OXSR1: variants seen among roughly 807,000 people sequenced by gnomAD.
The protein encoded by OXSR1 is oxidative stress responsive kinase 1.
Under a neutral mutation model 79.8 loss-of-function variants are expected in OXSR1, and 24 were observed. That is an observed-to-expected ratio of 0.30 (90% CI 0.22 to 0.42). The LOEUF (loss-of-function observed/expected upper bound fraction) is 0.42, where lower values mean the gene tolerates loss of function less well. Among genes scored for constraint, OXSR1 ranks in the 10% least tolerant of loss-of-function variants. OXSR1 has a pLI of 1.00. For synonymous variants in OXSR1, 226 were observed against 209.2 expected (o/e 1.08, Z -0.69); for missense variants, 430 against 618.4 (o/e 0.70, Z 3.23).
At chr3:38,234,626 T>C (rs564472374) in intron 10 of OXSR1, among the ~76,000 whole-genome samples, 1 of 152,340 alleles carries the variant, frequency 6.6e-6, no homozygotes, top group Admixed American at 6.5e-5. Flanking sequence ...ATTGGAACAC[T>C]TCTGCACTGG....
Position 38,223,859 on chromosome 3 carries a change from A to C in OXSR1, c.648A>C (p.Thr216=). 1 of 1,611,672 alleles carries C rather than the reference A, an allele frequency of 6.2e-7. No individual in the cohort carries two copies. The change falls in exon 7 of 18, where the codon ACA becomes ACC. Residue 216 remains threonine, a synonymous_variant. Coordinates refer to ENST00000311806, the MANE Select transcript of OXSR1 (RefSeq NM_005109.3). ...CTGATATTTGGAGTTTTGGAATTAC[A>C]GCAATTGAATTGGCTACAGGGGCGG... ...FKADIWSFGI[T]AIELATGAAP...
At chr3:38,218,900 T>G (rs1702536493) in intron 5 of OXSR1, among the ~76,000 whole-genome samples, 2 of 152,144 alleles carry the variant, frequency 1.3e-5, no homozygotes, top group East Asian at 3.8e-4. Context: ...GGGGGGACCT[T>G]GTCTTCCTTG....
intron 8 of OXSR1, among the ~76,000 whole-genome samples, chr3:38,229,424 G>C (rs769235680): frequency 6.6e-6 from 1 of 151,736 alleles, no homozygotes; most frequent in Non-Finnish European, 1.5e-5. Context: ...AAGAAATCAT[G>C]CTTCCAGAAA....
chr3:38,241,702 C>G (rs953176609), intron 11 of OXSR1, among the ~76,000 whole-genome samples: 1 of 151,148 alleles, frequency 6.6e-6, no homozygotes, highest in Non-Finnish European at 1.5e-5. Context: ...TACTTACGTT[C>G]TTGTATTGTT....
chr3:38,236,792 G>A (rs1232190486), intron 10 of OXSR1, 47 bp from the exon 11 acceptor site: 3 of 1,524,968 alleles, frequency 2.0e-6, no homozygotes, highest in East Asian at 2.3e-5. Flanking sequence ...TTTCTACTTA[G>A]TAAGCATGAA....
At chr3:38,215,082 A>C (rs376827972) in intron 4 of OXSR1, among the ~76,000 whole-genome samples, 1 of 152,180 alleles carries the variant, frequency 6.6e-6, no homozygotes, top group Non-Finnish European at 1.5e-5. Flanking sequence ...CTAGACTTCA[A>C]TTCCATTAAT....
intron 7 of OXSR1, 152 bp from the exon 8 acceptor site, chr3:38,224,419 C>T (rs1351790729): frequency 1.7e-5 from 10 of 597,816 alleles, no homozygotes; most frequent in Non-Finnish European, 2.9e-5. Context: ...CGTAATAACT[C>T]TGGGTTTTAA....
At chr3:38,231,999 C>T (rs1018744743) in intron 10 of OXSR1, among the ~76,000 whole-genome samples, 3 of 152,130 alleles carry the variant, frequency 2.0e-5, no homozygotes, top group East Asian at 1.9e-4. Context: ...TCCAGCTACT[C>T]GGAAGGCTGA....
intron 10 of OXSR1, 171 bp downstream of exon 10, chr3:38,230,601 A>G (rs1245196333): frequency 7.1e-6 from 4 of 565,456 alleles, no homozygotes; most frequent in East Asian, 3.1e-5. Context: ...GGTCTACCAT[A>G]TGCCTTGGTA....
intron 3 of OXSR1, among the ~76,000 whole-genome samples, chr3:38,197,409 C>G (rs1250959967): frequency 6.6e-6 from 1 of 152,216 alleles, no homozygotes. Flanking sequence ...TTCACTTCTT[C>G]CTCACTTGGT....
chr3:38,211,744 T>C (rs1232976858), intron 4 of OXSR1, among the ~76,000 whole-genome samples: 1 of 152,184 alleles, frequency 6.6e-6, no homozygotes, highest in African/African-American at 2.4e-5. Context: ...CCCTCTTCTG[T>C]CTCCCAGGTC....
intron 2 of OXSR1, among the ~76,000 whole-genome samples, chr3:38,188,189 A>G (rs1285169782): frequency 6.6e-6 from 1 of 152,164 alleles, no homozygotes; most frequent in Non-Finnish European, 1.5e-5. Context: ...CCCTTAGCTT[A>G]ACATTTAAGA....
chr3:38,172,739 A>G (rs928608572), intron 1 of OXSR1, among the ~76,000 whole-genome samples: 12 of 152,194 alleles, frequency 7.9e-5, no homozygotes, highest in African/African-American at 1.2e-4. Context: ...GACATTTTCT[A>G]TGAGGCCAGC....
chr3:38,244,907 C>T (rs2125852739), intron 12 of OXSR1, among the ~76,000 whole-genome samples: 1 of 152,190 alleles, frequency 6.6e-6, no homozygotes, highest in Non-Finnish European at 1.5e-5. Flanking sequence ...ATTTTACGTG[C>T]TCATCAACGA....
At position 38,253,923 on chromosome 3, in the gene OXSR1, A is replaced by G. The variant is rs1159087040; in HGVS notation, c.*1032A>G. ...GGTCTCTGTGTGCTGAAGCTAACTC[A>G]AGATGGAAAGTGAAACCACATGTGC... On this transcript the variant is annotated 3_prime_UTR_variant, in exon 18 of 18. Coordinates refer to ENST00000311806, the MANE Select transcript of OXSR1 (RefSeq NM_005109.3). The G allele has an allele frequency of 1.2e-5, 4 of 322,572 alleles. No homozygotes were observed. Among genetic ancestry groups the G allele is most frequent in the Non-Finnish European group, 2.2e-5 (4 of 178,592 alleles). The allele number at this position is 322,572 out of a possible 1,614,324, so 20.0% of individuals were successfully genotyped here.
intron 4 of OXSR1, among the ~76,000 whole-genome samples, chr3:38,205,451 C>T (rs1238767004): frequency 6.6e-6 from 1 of 152,058 alleles, no homozygotes; most frequent in Non-Finnish European, 1.5e-5. Flanking sequence ...TTGGATAGGC[C>T]CTTTTGTCTC....
intron 1 of OXSR1, among the ~76,000 whole-genome samples, chr3:38,167,631 A>G (rs966035259): frequency 2.0e-5 from 3 of 152,258 alleles, no homozygotes; most frequent in African/African-American, 7.2e-5. Context: ...TAGGAAAAAC[A>G]AAAACAAAAC....
chr3:38,208,905 A>G (rs950067867), intron 4 of OXSR1, among the ~76,000 whole-genome samples: 3 of 152,174 alleles, frequency 2.0e-5, no homozygotes, highest in African/African-American at 7.2e-5. Flanking sequence ...CCATCTCAAA[A>G]AATAAAAATA....
intron 1 of OXSR1, among the ~76,000 whole-genome samples, chr3:38,167,674 C>T (rs1285599546): frequency 6.6e-6 from 1 of 152,208 alleles, no homozygotes; most frequent in Admixed American, 6.5e-5. Flanking sequence ...GACATCACAT[C>T]TTTGCTTAAG....
Sources: allele counts gnomAD v4.1 joint callset (sites outside exome capture counted in the v4.1 genomes callset), GRCh38; gene constraint gnomAD v4.1.1; transcripts MANE v1.5; gene names NCBI Gene and HGNC (gene_info 2026-07-23, HGNC 2026-07-21).